GRIP1: variants seen among roughly 807,000 people sequenced by gnomAD.
GRIP1 encodes glutamate receptor interacting protein 1, also known as glutamate receptor-interacting protein 1.
In GRIP1, 45 loss-of-function variants were observed where a neutral mutation model predicts 129.9. That is an observed-to-expected ratio of 0.35 (90% CI 0.27 to 0.44). GRIP1 has a LOEUF of 0.44. Among genes scored for constraint, GRIP1 ranks in the 20% least tolerant of loss-of-function variants. GRIP1 has a pLI of 1.00. For synonymous variants in GRIP1, 530 were observed against 520.8 expected, an observed-to-expected ratio of 1.02 and a Z score of -0.24; for missense variants, 1,196 against 1,396.8, an observed-to-expected ratio of 0.86 and a Z score of 2.29.
At position 66,905,959 on chromosome 12, in the gene GRIP1, A is replaced by G. The variant is rs60934939; in HGVS notation, c.58+163091T>C. The stretch of plus-strand genomic sequence containing the variant: ...TGCACAAAATTTGAGAAGAGATGCT[A>G]TTAGTAAAAAGGTGGTCAGTTCTCG... On this transcript the variant is annotated intron_variant, in intron 1 of 1. Coordinates refer to the GRIP1 transcript ENST00000643019. 4.7e-3 allele frequency among the ~76,000 whole-genome samples: 715 copies of G among 152,304 alleles called. 7 individuals are homozygous for G. Among genetic ancestry groups the G allele is most frequent in the African/African-American group, 0.016 (667 of 41,574 alleles).
chr12:66,369,340 CTTTTTTTTT>C (rs758593628), intron 23 of GRIP1, among the ~76,000 whole-genome samples: 2 of 106,766 alleles, frequency 1.9e-5, no homozygotes, highest in Admixed American at 1.8e-4. Flanking sequence ...TTAACAAGAT[CTTTTTTTTT>C]TTTTTTTTTT....
At chr12:67,055,157 T>A (rs768269298) in intron 1 of GRIP1, among the ~76,000 whole-genome samples, 2 of 152,180 alleles carry the variant, frequency 1.3e-5, no homozygotes, top group Non-Finnish European at 2.9e-5. Flanking sequence ...GAGCAGTAAC[T>A]AGGAAAATTG....
intron 1 of GRIP1, among the ~76,000 whole-genome samples, chr12:66,966,050 C>T (rs2041994627): frequency 6.6e-6 from 1 of 152,110 alleles, no homozygotes; most frequent in African/African-American, 2.4e-5. Context: ...TGTAAAAAGA[C>T]AATGAATAAC....
At chr12:66,498,327 G>A (rs531517133) in intron 7 of GRIP1, among the ~76,000 whole-genome samples, 10 of 152,292 alleles carry the variant, frequency 6.6e-5, no homozygotes, top group African/African-American at 2.2e-4. Context: ...CCTGAGATGG[G>A]GAAGATGGGA....
intron 1 of GRIP1, among the ~76,000 whole-genome samples, chr12:66,723,239 T>TCTCCCTTCCTTCCTTC (rs1555230329): frequency 2.1e-4 from 5 of 23,600 alleles, no homozygotes; most frequent in Admixed American, 1.1e-3. Flanking sequence ...TCTCTCTCTC[T>TCTCCCTTCCTTCCTTC]CTTCCTTCCT....
chr12:66,935,000 G>A (rs2137421809), intron 1 of GRIP1, among the ~76,000 whole-genome samples: 1 of 152,320 alleles, frequency 6.6e-6, no homozygotes, highest in Middle Eastern at 3.4e-3. Context: ...TGTCTACAAT[G>A]CCATGTCTTC....
chr12:66,347,897 C>CTATT lies in GRIP1; in HGVS notation c.*1118_*1121dup, dbSNP rs2054047723. ...GAGAGTCTACCATCAATATACAGAT[C>CTATT]TATTTATTTTTTTATGTTCACCAAA... On this transcript the variant is annotated 3_prime_UTR_variant, in exon 25 of 25. Coordinates refer to ENST00000359742, the MANE Select transcript of GRIP1 (RefSeq NM_001366722.1). The CTATT allele has an allele frequency of 2.0e-5, 3 of 152,122 alleles. No individual in the cohort carries two copies. Among genetic ancestry groups the CTATT allele is most frequent in the East Asian group, 3.9e-4 (2 of 5,188 alleles). The allele number at this position is 152,122 out of a possible 1,614,324, so 9.4% of individuals were successfully genotyped here. A position where few individuals can be genotyped will look rare whatever the true frequency, so the allele number is the denominator to read the frequency against.
chr12:67,005,146 C>T (rs914370989), intron 1 of GRIP1, among the ~76,000 whole-genome samples: 31 of 152,090 alleles, frequency 2.0e-4, no homozygotes, highest in Non-Finnish European at 3.5e-4. Context: ...TAGAAAGTAG[C>T]CTTCAGACCA....
chr12:66,539,545 C>CTTTTTTTTTTTTTTTTTTT lies in GRIP1; in HGVS notation c.273-341_273-323dup, dbSNP rs35373698. On this transcript the variant is annotated intron_variant, in intron 3 of 24. Transcript: ENST00000359742. The stretch of plus-strand genomic sequence containing the variant: ...CACCATAAAACAAAATCAAGAGAAG[C>CTTTTTTTTTTTTTTTTTTT]TTTTTTTTTTTTTTTTTTTTTTTTC... 2.9e-4 allele frequency among the ~76,000 whole-genome samples: 17 copies of CTTTTTTTTTTTTTTTTTTT among 59,292 alleles called. 3 individuals carry two copies. Among genetic ancestry groups the CTTTTTTTTTTTTTTTTTTT allele is most frequent in the East Asian group, 1.8e-3 (3 of 1,690 alleles). The allele number at this position is 59,292 out of a possible 152,430, so 38.9% of individuals were successfully genotyped here. A position where few individuals can be genotyped will look rare whatever the true frequency, so the allele number is the denominator to read the frequency against.
chr12:66,442,805 G>A (rs1315437996), intron 13 of GRIP1, among the ~76,000 whole-genome samples: 1 of 152,022 alleles, frequency 6.6e-6, no homozygotes, highest in African/African-American at 2.4e-5. Flanking sequence ...AAAGTGCTGG[G>A]GTTATAGGTG....
intron 1 of GRIP1, among the ~76,000 whole-genome samples, chr12:66,701,446 T>G (rs2035349436): frequency 6.6e-6 from 1 of 152,126 alleles, no homozygotes; most frequent in Non-Finnish European, 1.5e-5. Context: ...TAAAAAAAAG[T>G]AAATCCTCTC....
At chr12:66,425,519 C>T (rs573209280) in intron 14 of GRIP1, among the ~76,000 whole-genome samples, 1 of 152,302 alleles carries the variant, frequency 6.6e-6, no homozygotes, top group African/African-American at 2.4e-5. Context: ...AAGACACATG[C>T]ACACGTATGT....
chr12:66,475,935 T>C (rs1005622784), intron 7 of GRIP1, among the ~76,000 whole-genome samples: 1 of 151,770 alleles, frequency 6.6e-6, no homozygotes, highest in African/African-American at 2.4e-5. Context: ...AAATGTGATC[T>C]AAAAAAGATC....
At chr12:67,014,956 G>C (rs1281192964) in intron 1 of GRIP1, among the ~76,000 whole-genome samples, 1 of 152,048 alleles carries the variant, frequency 6.6e-6, no homozygotes, top group Non-Finnish European at 1.5e-5. Flanking sequence ...CTTCCAGAAT[G>C]GTTAAATGTT....
At chr12:66,717,664 C>G (rs577340502) in intron 1 of GRIP1, among the ~76,000 whole-genome samples, 43 of 140,552 alleles carry the variant, frequency 3.1e-4, no homozygotes, top group African/African-American at 9.3e-4. Context: ...GATTGACTCT[C>G]TCTGTCTGCT....
chr12:66,547,521 C>A (rs2061983212), intron 2 of GRIP1, among the ~76,000 whole-genome samples: 1 of 152,068 alleles, frequency 6.6e-6, no homozygotes, highest in South Asian at 2.1e-4. Context: ...CAGAAACAAC[C>A]AAGATATCCT....
At chr12:66,719,890 C>T (rs1299345506) in intron 1 of GRIP1, among the ~76,000 whole-genome samples, 2 of 152,126 alleles carry the variant, frequency 1.3e-5, no homozygotes, top group Non-Finnish European at 2.9e-5. Flanking sequence ...ATTTTCTCAA[C>T]GGACACAGGC....
rs151096372 is a variant in GRIP1, at chr12:66,368,807, C to A, written c.3012+2887G>T. 3.1e-3 allele frequency among the ~76,000 whole-genome samples: 465 copies of A among 152,328 alleles called. 1 individual carries two copies. The highest frequency in any genetic ancestry group is 7.5e-3 in the Admixed American group (115 of 15,300). ...TCAAAAGACACCCACATTCAACACA[C>A]ACACAATTACCACTCTTTGCTCTAA... On this transcript the variant is annotated intron_variant, in intron 23 of 24. Transcript: ENST00000359742.
Position 66,377,585 on chromosome 12 carries a change from C to T in GRIP1, c.2622-300G>A, listed in dbSNP as rs368041989. Among the ~76,000 whole-genome samples the T allele has an allele frequency of 8.6e-5, 13 of 150,876 alleles. No homozygotes were observed. The East Asian group carries it at 1.8e-3, about 20-fold the overall frequency. On this transcript the variant is annotated intron_variant, in intron 20 of 24. Coordinates refer to ENST00000359742, the MANE Select transcript of GRIP1 (RefSeq NM_001366722.1). Reference sequence around the variant, plus strand: ...CGATCTCCTGACTTCGTGATCCGCCCGCCTCGGCCTCCCAAAGTGCTAGGA... The same window carrying T: ...CGATCTCCTGACTTCGTGATCCGCCTGCCTCGGCCTCCCAAAGTGCTAGGA...
Sources: gnomAD v4.1 joint callset for allele counts (sites outside exome capture counted in the v4.1 genomes callset) on GRCh38, gnomAD v4.1.1 for gene constraint, MANE v1.5 for transcripts, NCBI Gene and HGNC (gene_info 2026-07-23, HGNC 2026-07-21) for gene names.